The following CCT2 variants were observed in gnomAD, a reference collection of about 807,000 sequenced individuals.
CCT2 encodes T-complex protein 1 subunit beta.
A neutral mutation model predicts 61.8 loss-of-function variants in CCT2; 18 were observed. That is an observed-to-expected ratio of 0.29 (90% CI 0.20 to 0.43). The LOEUF (loss-of-function observed/expected upper bound fraction) is 0.43. Ranked by LOEUF, CCT2 falls within the 20% of genes least tolerant of loss-of-function variation. CCT2 has a pLI of 1.00. For synonymous variants in CCT2, 248 were observed against 215.9 expected (o/e 1.15, Z -1.30); for missense variants, 556 against 656.9 (o/e 0.85, Z 1.68).
At chr12:69,594,807 C>T (rs2135856552) in intron 10 of CCT2, among the ~76,000 whole-genome samples, 1 of 150,372 alleles carries the variant, frequency 6.7e-6, no homozygotes, top group East Asian at 2.0e-4. Context: ...GATCACGTCA[C>T]TGCAGTCCAT....
At chr12:69,586,444 G>A (rs1881660395) in intron 2 of CCT2, 100 bp downstream of exon 2, 2 of 836,978 alleles carry the variant, frequency 2.4e-6, no homozygotes, top group Non-Finnish European at 4.0e-6. Flanking sequence ...GAGGTAGGCG[G>A]ATGAACTGAG....
In CCT2 at chr12:69,598,054, G is replaced by A; in HGVS notation, c.1318G>A (p.Ala440Thr). 1 of 1,611,334 alleles carries A rather than the reference G, an allele frequency of 6.2e-7. No individual in the cohort carries two copies. Among genetic ancestry groups the A allele is most frequent in the Non-Finnish European group, 8.5e-7 (1 of 1,177,618 alleles). Residue 440 changes from alanine (A) to threonine (T), a missense_variant, in exon 13 of 16, where the codon GCT becomes ACT. Physicochemically the swap from Ala to Thr is moderately conservative, Grantham distance 58 (BLOSUM62 0). This residue lies in a region of CCT2 where 225 missense variants were observed against 249.8 expected (regional missense o/e 0.90). Transcript: ENST00000299300. The part of the protein sequence containing the change: ...GKEAVAMESY[A>T]KALRMLPTII... ...AGAAGCTGTTGCAATGGAGTCTTAT[G>A]CTAAAGCACTGAGAATGGTAAGTTA... is the stretch of plus-strand genomic sequence containing the variant.
intron 14 of CCT2, among the ~76,000 whole-genome samples, chr12:69,599,096 T>C (rs1882077157): frequency 6.6e-6 from 1 of 152,202 alleles, no homozygotes; most frequent in Admixed American, 6.5e-5. Context: ...ATTACTATTA[T>C]TATAACTGAC....
intron 11 of CCT2, 63 bp from the exon 12 acceptor site, chr12:69,597,575 C>T (rs974605587): frequency 3.6e-5 from 56 of 1,535,322 alleles, no homozygotes; most frequent in East Asian, 3.1e-4. Flanking sequence ...TAACCAACAC[C>T]GGCATAAATA....
intron 9 of CCT2, 78 bp downstream of exon 9, chr12:69,593,181 G>T: frequency 7.7e-7 from 1 of 1,291,914 alleles, no homozygotes; most frequent in Non-Finnish European, 1.1e-6. Context: ...TATTGAATTA[G>T]ATTTTTTACC....
chr12:69,586,153 A>G lies in CCT2; in HGVS notation c.4-117A>G, dbSNP rs907524811. 4 of 1,127,682 alleles carry G rather than the reference A, an allele frequency of 3.5e-6. No individual in the cohort carries two copies. The African/African-American group carries it at 4.7e-5, about 13-fold the overall frequency. 69.9% of individuals were successfully genotyped at this position (1,127,682 alleles called of 1,614,324 possible). A position where few individuals can be genotyped will look rare whatever the true frequency, so the allele number is the denominator to read the frequency against. On this transcript the variant is annotated intron_variant, in intron 1 of 15. Transcript: ENST00000299300. ...ATGGAAGCTTCATTTGATTGAAAAC[A>G]TTGTTGTAAATGAGTTTTCTCTTAG... is the stretch of plus-strand genomic sequence containing the variant.
intron 2 of CCT2, 27 bp from the exon 3 acceptor site, chr12:69,586,726 T>C: frequency 6.6e-7 from 1 of 1,524,066 alleles, no homozygotes; most frequent in Non-Finnish European, 8.9e-7. Flanking sequence ...AAGTTGATTC[T>C]GATAATCTCC....
chr12:69,593,049 T>C lies in CCT2; in HGVS notation c.824T>C (p.Met275Thr). The C allele has an allele frequency of 6.2e-7, 1 of 1,613,370 alleles. No homozygotes were observed. Among genetic ancestry groups the C allele is most frequent in the Non-Finnish European group, 8.5e-7 (1 of 1,179,488 alleles). ...ATAGAACATGCGGAAAAGGAAAAAATGAAGGAGAAAGTTGAACGTATTCTT... is the reference window on the plus strand; with the variant it reads ...ATAGAACATGCGGAAAAGGAAAAAACGAAGGAGAAAGTTGAACGTATTCTT... The part of the protein sequence containing the change: ...AEIEHAEKEK[M>T]KEKVERILKH... Residue 275 changes from methionine (M) to threonine (T), a missense_variant, in exon 9 of 16, where the codon ATG (methionine) becomes ACG (threonine). Around this residue, in one of 3 missense-constraint regions of CCT2, gnomAD observed 308 missense variants for 350.6 expected, o/e 0.88. Coordinates refer to ENST00000299300, the MANE Select transcript of CCT2 (RefSeq NM_006431.3).
intron 7 of CCT2, among the ~76,000 whole-genome samples, chr12:69,591,019 G>A (rs887706946): frequency 6.6e-6 from 1 of 151,942 alleles, no homozygotes; most frequent in African/African-American, 2.4e-5. Flanking sequence ...ATGCCTGGCC[G>A]CTGCGTAGCA....
At chr12:69,585,987 T>G (rs1881639433) in intron 1 of CCT2, 3 of 1,327,948 alleles carry the variant, frequency 2.3e-6, no homozygotes, top group African/African-American at 1.5e-5. Context: ...CATTCTTAGT[T>G]CAAGATCGTC....
At chr12:69,600,700 A>G (rs1305516655) in intron 15 of CCT2, among the ~76,000 whole-genome samples, 2 of 152,052 alleles carry the variant, frequency 1.3e-5, no homozygotes, top group African/African-American at 2.4e-5. Context: ...ATCTCTCTAT[A>G]TGATCCCTGT....
In CCT2 at chr12:69,589,644, C is replaced by G. The variant is rs1345399957; in HGVS notation, c.606C>G (p.Ile202Met). 1.2e-6 allele frequency: 2 copies of G among 1,613,676 alleles called. No individual in the cohort carries two copies. The highest frequency in any genetic ancestry group is 1.7e-6 in the Non-Finnish European group (2 of 1,179,998). ...GSGNLEAIHI[I>M]KKLGGSLADS... ...GCAACCTGGAGGCAATTCATATTATCAAGAAGCTAGGAGGAAGTTTGGCAG... is the reference window on the plus strand; with the variant it reads ...GCAACCTGGAGGCAATTCATATTATGAAGAAGCTAGGAGGAAGTTTGGCAG... Residue 202 changes from isoleucine to methionine, a missense_variant, in exon 7 of 16, where the codon ATC (isoleucine) becomes ATG (methionine). Transcript: ENST00000299300.
At chr12:69,595,214 T>TA (rs1400306752) in intron 10 of CCT2, among the ~76,000 whole-genome samples, 1 of 152,232 alleles carries the variant, frequency 6.6e-6, no homozygotes, top group Non-Finnish European at 1.5e-5. Context: ...ACGTTTTTTT[T>TA]AATCATTTGA....
chr12:69,594,042 G>A (rs1881914667), intron 10 of CCT2, among the ~76,000 whole-genome samples: 1 of 152,028 alleles, frequency 6.6e-6, no homozygotes, highest in Non-Finnish European at 1.5e-5. Flanking sequence ...GGGAGGCTGA[G>A]GGAAGAGAAT....
chr12:69,596,440 A>G (rs1399581732), intron 10 of CCT2, among the ~76,000 whole-genome samples: 1 of 152,222 alleles, frequency 6.6e-6, no homozygotes, highest in Non-Finnish European at 1.5e-5. Flanking sequence ...TTGCTTAGTT[A>G]GGAAATAGGG....
chr12:69,592,586 T>A (rs1410694433), intron 8 of CCT2: 2 of 190,886 alleles, frequency 1.0e-5, no homozygotes, highest in Non-Finnish European at 2.2e-5. Context: ...TATACACATA[T>A]ATATACGTTG....
intron 8 of CCT2, 36 bp downstream of exon 8, chr12:69,592,195 GC>G: frequency 8.0e-7 from 1 of 1,247,872 alleles, no homozygotes; most frequent in Non-Finnish European, 1.2e-6. Context: ...TAAAATTACT[GC>G]CCAGGCAGAG....
chr12:69,592,626 CTT>C (rs144914137), intron 8 of CCT2: 9,428 of 207,974 alleles, frequency 0.045, 951 homozygotes, highest in African/African-American at 0.21. Flanking sequence ...CTATGGGACT[CTT>C]TAAAAAGAGT....
chr12:69,600,204 T>C (rs996542278), intron 15 of CCT2, among the ~76,000 whole-genome samples, 200 bp downstream of exon 15: 4 of 152,194 alleles, frequency 2.6e-5, no homozygotes, highest in Admixed American at 6.5e-5. Context: ...CTGAGGTAGC[T>C]CTTAGGATTG....
Sources: gnomAD v4.1 joint callset for allele counts (sites outside exome capture counted in the v4.1 genomes callset) on GRCh38, gnomAD v4.1.1 for gene constraint, gnomAD v4.1.1 regional missense constraint, MANE v1.5 for transcripts, NCBI Gene and HGNC (gene_info 2026-07-23, HGNC 2026-07-21) for gene names.